DYM: variants seen among roughly 807,000 people sequenced by gnomAD.
The protein encoded by DYM is dyggve-Melchior-Clausen syndrome protein.
In DYM, 78 loss-of-function variants were observed where a neutral mutation model predicts 93.1. The observed-to-expected ratio is 0.84, with a 90% CI of 0.70 to 1.01. DYM has a LOEUF of 1.01. Ranked by LOEUF, DYM falls within the 50% of genes least tolerant of loss-of-function variation. DYM has a pLI of 0.00. For synonymous variants in DYM, 321 were observed against 319.7 expected, an observed-to-expected ratio of 1.00 and a Z score of -0.04; for missense variants, 789 against 845.0, an observed-to-expected ratio of 0.93 and a Z score of 0.82.
At chr18:49,175,424 T>G (rs2089272261) in intron 14 of DYM, among the ~76,000 whole-genome samples, 1 of 152,172 alleles carries the variant, frequency 6.6e-6, no homozygotes, top group African/African-American at 2.4e-5. Context: ...GTAACAATCT[T>G]TACTAAGAAC....
rs552717944 is a variant in DYM, at chr18:49,453,106, G to A, written c.-54+7292C>T. Among the ~76,000 whole-genome samples the A allele has an allele frequency of 3.0e-4, 40 of 134,300 alleles. 10 individuals carry two copies. Among genetic ancestry groups the A allele is most frequent in the African/African-American group, 1.0e-3 (35 of 34,166 alleles). 88.1% of individuals were successfully genotyped at this position (134,300 alleles called of 152,430 possible). On this transcript the variant is annotated intron_variant, in intron 1 of 17. Transcript: ENST00000675505. The stretch of plus-strand genomic sequence containing the variant: ...AATCCACACCCTGTGTCTAGCTCAA[G>A]GTTTGTAAATGCACCAATCAGCACT...
intron 13 of DYM, among the ~76,000 whole-genome samples, chr18:49,213,097 T>C (rs1425881868): frequency 1.3e-5 from 2 of 152,212 alleles, no homozygotes. Flanking sequence ...GAAATGTTAT[T>C]TGATATGGTT....
chr18:49,163,481 G>A (rs2087447521), intron 15 of DYM, among the ~76,000 whole-genome samples: 1 of 152,094 alleles, frequency 6.6e-6, no homozygotes, highest in Non-Finnish European at 1.5e-5. Flanking sequence ...AAATAGCTGG[G>A]ACTACAGGTG....
chr18:49,350,733 A>T (rs1450638741), intron 6 of DYM, among the ~76,000 whole-genome samples: 1 of 151,510 alleles, frequency 6.6e-6, no homozygotes, highest in East Asian at 1.9e-4. Flanking sequence ...AAAGAAAAAA[A>T]AAAAAAAAAC....
At position 49,160,576 on chromosome 18, in the gene DYM, C is replaced by CAAA. The variant is rs34811276; in HGVS notation, c.1728+3106_1728+3108dup. The stretch of plus-strand genomic sequence containing the variant: ...AAGTACACGTCGTGAGACTCTGTCT[C>CAAA]AAAAAAAAAAAAAAAAAGTACACAT... On this transcript the variant is annotated intron_variant, in intron 15 of 17. Transcript: ENST00000675505. Among the ~76,000 whole-genome samples, 181 of 135,550 alleles carry CAAA rather than the reference C, an allele frequency of 1.3e-3. 2 individuals carry two copies. The highest frequency in any genetic ancestry group is 4.3e-3 in the South Asian group (18 of 4,152). 88.9% of individuals were successfully genotyped at this position (135,550 alleles called of 152,430 possible).
chr18:49,410,848 C>T (rs1346155890), intron 2 of DYM, among the ~76,000 whole-genome samples: 1 of 152,074 alleles, frequency 6.6e-6, no homozygotes, highest in Non-Finnish European at 1.5e-5. Flanking sequence ...TTAAAGAAAT[C>T]ATTTTGACAA....
Position 49,325,071 on chromosome 18 carries a change from C to T in DYM, c.763+6793G>A, listed in dbSNP as rs555541366. Among the ~76,000 whole-genome samples, 49 of 152,130 alleles carry T rather than the reference C, an allele frequency of 3.2e-4. 2 individuals are homozygous for T. In the East Asian group the frequency reaches 5.2e-3, roughly 16 times the overall value. ...ATGAGAAAAGGCATCTGAGAGGTCCCGGGATAATAATAATCCAGGGTGAGA... is the reference window on the plus strand; with the variant it reads ...ATGAGAAAAGGCATCTGAGAGGTCCTGGGATAATAATAATCCAGGGTGAGA... On this transcript the variant is annotated intron_variant, in intron 8 of 17. Transcript: ENST00000675505.
In DYM at chr18:49,145,856, G is replaced by A. The variant is rs374118641; in HGVS notation, c.1728+17829C>T. On this transcript the variant is annotated intron_variant, in intron 15 of 17. Transcript: ENST00000675505. ...TTTTATGCAAGTAGTCTTTCAATATGTGGTCTATTTTACTTGTTTTCTTTT... is the reference window on the plus strand; with the variant it reads ...TTTTATGCAAGTAGTCTTTCAATATATGGTCTATTTTACTTGTTTTCTTTT... 1.8e-4 allele frequency among the ~76,000 whole-genome samples: 28 copies of A among 152,044 alleles called. No individual in the cohort carries two copies. In the East Asian group the frequency reaches 3.3e-3, roughly 18 times the overall value.
chr18:49,046,617 G>A (rs2071620550), intron 17 of DYM, among the ~76,000 whole-genome samples: 1 of 152,088 alleles, frequency 6.6e-6, no homozygotes, highest in African/African-American at 2.4e-5. Flanking sequence ...AAAAGCATCT[G>A]GACCAGGTAT....
intron 17 of DYM, among the ~76,000 whole-genome samples, chr18:49,060,657 G>GGGAGAGGA (rs1411746463): frequency 3.3e-5 from 3 of 91,792 alleles, no homozygotes; most frequent in African/African-American, 8.4e-5. Flanking sequence ...GGGGGAGAGG[G>GGGAGAGGA]GGAGAGGAGG....
At chr18:49,397,098 T>C (rs925075082) in intron 2 of DYM, among the ~76,000 whole-genome samples, 4 of 152,222 alleles carry the variant, frequency 2.6e-5, no homozygotes, top group Admixed American at 6.5e-5. Context: ...TTTGAGGTGA[T>C]GGATATGCTA....
intron 5 of DYM, among the ~76,000 whole-genome samples, chr18:49,366,445 T>C (rs1388902841): frequency 6.6e-6 from 1 of 152,238 alleles, no homozygotes. Flanking sequence ...GTTTACTGTA[T>C]TGTAAAGTTT....
chr18:49,415,556 T>A (rs1600081506), intron 2 of DYM, among the ~76,000 whole-genome samples: 1 of 152,024 alleles, frequency 6.6e-6, no homozygotes, highest in Non-Finnish European at 1.5e-5. Flanking sequence ...TTGCCTTATA[T>A]GAGCACCATC....
intron 7 of DYM, among the ~76,000 whole-genome samples, chr18:49,333,316 G>A (rs1033081530): frequency 5.3e-5 from 8 of 152,210 alleles, no homozygotes; most frequent in Non-Finnish European, 1.0e-4. Flanking sequence ...AGTCAGCGAA[G>A]AGGCTGCTGG....
intron 2 of DYM, among the ~76,000 whole-genome samples, chr18:49,415,605 T>C (rs2072877012): frequency 6.6e-6 from 1 of 152,136 alleles, no homozygotes; most frequent in Non-Finnish European, 1.5e-5. Context: ...TGTAACACAG[T>C]AAAGTTTTCT....
intron 1 of DYM, among the ~76,000 whole-genome samples, chr18:49,443,078 C>A (rs1364481079): frequency 6.6e-6 from 1 of 152,054 alleles, no homozygotes; most frequent in African/African-American, 2.4e-5. Context: ...AAACTCCTGA[C>A]CTCAGGTGAT....
chr18:49,347,016 T>C (rs903470050), intron 6 of DYM, among the ~76,000 whole-genome samples: 3 of 152,220 alleles, frequency 2.0e-5, no homozygotes, highest in African/African-American at 7.2e-5. Context: ...GCCTACTTTA[T>C]AATAAAGTGT....
At chr18:49,086,865 G>A (rs1302955646) in intron 17 of DYM, among the ~76,000 whole-genome samples, 2 of 152,092 alleles carry the variant, frequency 1.3e-5, no homozygotes, top group African/African-American at 4.8e-5. Flanking sequence ...GTGCGTAGCT[G>A]TAATCCCAGC....
In DYM at chr18:49,200,425, C is replaced by T. The variant is rs568780685; in HGVS notation, c.1625+9126G>A. ...ATATTTTTTTCATTAAACATTATAT[C>T]AAATATAACTACTAAAAATAGAAAA... On this transcript the variant is annotated intron_variant, in intron 14 of 17. Coordinates refer to ENST00000675505, the MANE Select transcript of DYM (RefSeq NM_001353214.3). Among the ~76,000 whole-genome samples the T allele has an allele frequency of 2.0e-5, 3 of 151,638 alleles. No homozygotes were observed. The South Asian group carries it at 6.2e-4, about 32-fold the overall frequency.
Sources: allele counts gnomAD v4.1 joint callset (sites outside exome capture counted in the v4.1 genomes callset), GRCh38; gene constraint gnomAD v4.1.1; transcripts MANE v1.5; gene names NCBI Gene and HGNC (gene_info 2026-07-23, HGNC 2026-07-21).